Variants in PPM1E observed in about 807,000 individuals in gnomAD.
PPM1E encodes protein phosphatase 1E.
Under a neutral mutation model 65.9 loss-of-function variants are expected in PPM1E, and 20 were observed. The observed-to-expected ratio is 0.30, with a 90% confidence interval of 0.21 to 0.44. The LOEUF is 0.44. Among genes scored for constraint, PPM1E ranks in the 20% least tolerant of loss-of-function variants. The probability of loss-of-function intolerance (pLI) is 1.00; values close to 1 mark genes in which losing one functional copy is unlikely to be tolerated. For missense variants in PPM1E, 713 were observed against 953.1 expected (o/e 0.75, Z 3.32); for synonymous variants, 352 against 374.9 (o/e 0.94, Z 0.70).
chr17:58,771,715 G>C (rs536151284), intron 1 of PPM1E, among the ~76,000 whole-genome samples: 1 of 151,784 alleles, frequency 6.6e-6, no homozygotes, highest in Non-Finnish European at 1.5e-5. Flanking sequence ...ACATCAATGA[G>C]TTTATTTTCT....
intron 1 of PPM1E, among the ~76,000 whole-genome samples, chr17:58,851,576 G>C (rs977666474): frequency 1.3e-5 from 2 of 152,212 alleles, no homozygotes; most frequent in African/African-American, 4.8e-5. Context: ...GGTATCACCA[G>C]CAGATGCTGC....
intron 1 of PPM1E, among the ~76,000 whole-genome samples, chr17:58,950,777 CTTT>C (rs1036026350): frequency 4.2e-5 from 5 of 119,906 alleles, no homozygotes; most frequent in South Asian, 2.6e-4. Context: ...CTGTTTGGTT[CTTT>C]TTTTTTTTTT....
chr17:58,960,075 G>A (rs1004875196), intron 2 of PPM1E, among the ~76,000 whole-genome samples: 14 of 152,150 alleles, frequency 9.2e-5, no homozygotes, highest in African/African-American at 3.4e-4. Context: ...AGAATGTATT[G>A]ACTACCTTCC....
intron 1 of PPM1E, among the ~76,000 whole-genome samples, chr17:58,826,917 C>T (rs2050542879): frequency 6.6e-6 from 1 of 151,994 alleles, no homozygotes; most frequent in Admixed American, 6.6e-5. Flanking sequence ...GTGTGATGTA[C>T]AAAAATTTTG....
chr17:58,875,218 A>G (rs535830485), intron 1 of PPM1E, among the ~76,000 whole-genome samples: 1 of 152,198 alleles, frequency 6.6e-6, no homozygotes, highest in African/African-American at 2.4e-5. Flanking sequence ...GTTAAATAGC[A>G]TATTGTCTTT....
intron 1 of PPM1E, among the ~76,000 whole-genome samples, chr17:58,868,323 C>CAAAACA (rs1218158608): frequency 6.6e-6 from 1 of 151,818 alleles, no homozygotes. Flanking sequence ...TGTCTCAATA[C>CAAAACA]AAAACAAAAA....
chr17:58,781,319 CT>C, intron 1 of PPM1E, among the ~76,000 whole-genome samples: 1 of 151,702 alleles, frequency 6.6e-6, no homozygotes, highest in South Asian at 2.1e-4. Context: ...TTTTGTATTT[CT>C]AGTAGAGACG....
At chr17:58,894,231 C>T (rs891251657) in intron 1 of PPM1E, among the ~76,000 whole-genome samples, 3 of 152,122 alleles carry the variant, frequency 2.0e-5, no homozygotes, top group Admixed American at 6.5e-5. Context: ...AAGCAATTCT[C>T]GTGCCGCAGC....
rs372511970 is a variant in PPM1E, at chr17:58,969,743, A to G, written c.972+16A>G. The stretch of plus-strand genomic sequence containing the variant: ...AGCCAGGGAGGTATGCCCCTTTCTC[A>G]TAAGTTCCAGCTAGAAATGTACTAG... On this transcript the variant is annotated intron_variant, in intron 4 of 6. Coordinates refer to ENST00000308249, the MANE Select transcript of PPM1E (RefSeq NM_014906.5). 7 of 1,612,692 alleles carry G rather than the reference A, an allele frequency of 4.3e-6. No individual in the cohort carries two copies. In the South Asian group the frequency reaches 4.4e-5, roughly 10 times the overall value.
chr17:58,935,362 C>A (rs1305257844), intron 1 of PPM1E, among the ~76,000 whole-genome samples: 2 of 151,942 alleles, frequency 1.3e-5, no homozygotes, highest in Non-Finnish European at 2.9e-5. Flanking sequence ...GAGGAACTAT[C>A]AAAGGAGACT....
intron 1 of PPM1E, among the ~76,000 whole-genome samples, chr17:58,898,289 A>G (rs1192495888): frequency 6.6e-6 from 1 of 152,058 alleles, no homozygotes. Context: ...AAGAATCTAC[A>G]AAGAACTTAA....
In PPM1E at chr17:58,790,145, A is replaced by G. The variant is rs1483563623; in HGVS notation, c.464+33684A>G. The stretch of plus-strand genomic sequence containing the variant: ...GTGATCATAGTTCATTACAGCTTCA[A>G]ACTCCTGGGCTCAAGGGATCCTTCT... On this transcript the variant is annotated intron_variant, in intron 1 of 6. Transcript: ENST00000308249. Among the ~76,000 whole-genome samples the G allele has an allele frequency of 3.9e-5, 6 of 152,130 alleles. No individual in the cohort carries two copies. The East Asian group carries it at 5.8e-4, about 15-fold the overall frequency.
chr17:58,781,896 AAAAAT>A (rs1226618895), intron 1 of PPM1E, among the ~76,000 whole-genome samples: 12 of 152,176 alleles, frequency 7.9e-5, no homozygotes, highest in East Asian at 1.9e-4. Flanking sequence ...AAAAGAAAAA[AAAAAT>A]AAAATAAAAT....
rs544490401 is a variant in PPM1E at position 58,879,761 on chromosome 17, G to A, written c.465-75888G>A. Among the ~76,000 whole-genome samples the A allele has an allele frequency of 3.3e-5, 5 of 151,956 alleles. No individual in the cohort carries two copies. The South Asian group carries it at 6.2e-4, about 19-fold the overall frequency. ...CCTGACCTCGTGATCCACCCGCCTC[G>A]GCCTCCCAAAGTGGTGGGATTACAG... On this transcript the variant is annotated intron_variant, in intron 1 of 6. Coordinates refer to ENST00000308249, the MANE Select transcript of PPM1E (RefSeq NM_014906.5).
At chr17:58,812,792 C>T (rs886578906) in intron 1 of PPM1E, among the ~76,000 whole-genome samples, 3 of 152,102 alleles carry the variant, frequency 2.0e-5, no homozygotes, top group Non-Finnish European at 4.4e-5. Context: ...GTCTTGAACT[C>T]CTGACCTCAA....
chr17:58,765,674 G>A (rs907837746), intron 1 of PPM1E, among the ~76,000 whole-genome samples: 13 of 151,840 alleles, frequency 8.6e-5, no homozygotes, highest in Admixed American at 2.0e-4. Context: ...ACTACCTAGC[G>A]TAGTTTAAGA....
intron 1 of PPM1E, among the ~76,000 whole-genome samples, chr17:58,926,991 G>A (rs369440870): frequency 5.9e-5 from 9 of 151,562 alleles, no homozygotes; most frequent in African/African-American, 1.9e-4. Context: ...CAGACTTTGT[G>A]TTATTTTAAC....
intron 1 of PPM1E, among the ~76,000 whole-genome samples, chr17:58,930,820 G>T (rs527433606): frequency 6.6e-6 from 1 of 152,252 alleles, no homozygotes; most frequent in South Asian, 2.1e-4. Flanking sequence ...GCCAATGTAA[G>T]ATGTAGAACA....
At position 58,866,095 on chromosome 17, in the gene PPM1E, A is replaced by G. The variant is rs545416837; in HGVS notation, c.465-89554A>G. Among the ~76,000 whole-genome samples the G allele has an allele frequency of 7.2e-5, 11 of 152,338 alleles. No individual in the cohort carries two copies. In the East Asian group the frequency reaches 2.1e-3, roughly 29 times the overall value. On this transcript the variant is annotated intron_variant, in intron 1 of 6. Transcript: ENST00000308249. ...CAGATCTCTTTCACAAAGAGTGTCT[A>G]AATAGCCAGCTAAATGCCAGAAAGT...
Sources: gnomAD v4.1 joint callset for allele counts (sites outside exome capture counted in the v4.1 genomes callset) on GRCh38, gnomAD v4.1.1 for gene constraint, MANE v1.5 for transcripts, NCBI Gene and HGNC (gene_info 2026-07-23, HGNC 2026-07-21) for gene names.